Variants in HYLS1 observed in about 807,000 individuals in gnomAD.
HYLS1 encodes centriolar and ciliogenesis-associated protein HYLS1.
Under a neutral mutation model 29.4 loss-of-function variants are expected in HYLS1, and 25 were observed. That is an observed-to-expected ratio of 0.85 (90% CI 0.62 to 1.19). The LOEUF is 1.19. Among genes scored for constraint, HYLS1 ranks in the 50% most tolerant of loss-of-function variants. The pLI is 0.00. For synonymous variants in HYLS1, 128 were observed against 126.7 expected, an observed-to-expected ratio of 1.01 and a Z score of -0.07; for missense variants, 352 against 365.1, an observed-to-expected ratio of 0.96 and a Z score of 0.29.
At chr11:125,889,803 AG>A (rs1383402721) in intron 1 of HYLS1, among the ~76,000 whole-genome samples, 1 of 152,214 alleles carries the variant, frequency 6.6e-6, no homozygotes, top group Non-Finnish European at 1.5e-5. Flanking sequence ...CCCAACACAC[AG>A]GGCATAATAA....
At chr11:125,895,574 A>G in intron 2 of HYLS1, 1 of 1,614,248 alleles carries the variant, frequency 6.2e-7, no homozygotes. Context: ...CACGAGGGAA[A>G]AAATAGCGGT....
chr11:125,891,950 G>A (rs1452032567), intron 2 of HYLS1, among the ~76,000 whole-genome samples: 1 of 152,062 alleles, frequency 6.6e-6, no homozygotes, highest in Non-Finnish European at 1.5e-5. Flanking sequence ...TATTAGTATT[G>A]TTTTTAATTG....
chr11:125,886,765 GC>G (rs1175647551), upstream of HYLS1, among the ~76,000 whole-genome samples: 1 of 151,418 alleles, frequency 6.6e-6, no homozygotes, highest in African/African-American at 2.4e-5. Flanking sequence ...TACAAAATTA[GC>G]CGGGCATGGT....
At position 125,900,002 on chromosome 11, in the gene HYLS1, C is replaced by G; in HGVS notation, c.634C>G (p.Arg212Gly). 2 of 1,614,184 alleles carry G rather than the reference C, an allele frequency of 1.2e-6. No individual in the cohort carries two copies. Among genetic ancestry groups the G allele is most frequent in the Non-Finnish European group, 1.7e-6 (2 of 1,180,036 alleles). Residue 212 changes from arginine to glycine, a missense_variant, in exon 3 of 3, where the codon CGG (arginine) becomes GGG (glycine). Arg to Gly is a moderately radical substitution (Grantham distance 125). Transcript: ENST00000425380. The part of the protein sequence containing the change: ...QLSRNRGKTD[R>G]VARYFEYKRD... ...AAGCCGAAACCGGGGCAAGACAGAC[C>G]GGGTAGCCCGGTATTTTGAGTACAA...
intron 2 of HYLS1, among the ~76,000 whole-genome samples, chr11:125,891,737 C>T (rs1944412943): frequency 1.3e-5 from 2 of 152,070 alleles, no homozygotes; most frequent in Non-Finnish European, 2.9e-5. Context: ...ACCACTAATT[C>T]CCCATCTCTA....
chr11:125,886,188 G>C (rs750795676), upstream of HYLS1, among the ~76,000 whole-genome samples: 3 of 152,268 alleles, frequency 2.0e-5, no homozygotes, highest in Non-Finnish European at 4.4e-5. Flanking sequence ...TGATATTGCA[G>C]ATGTAGGGGC....
rs1944686424 is a variant in HYLS1 at position 125,899,353 on chromosome 11, C to T, written c.-16C>T. 6.2e-7 allele frequency: 1 copy of T among 1,612,558 alleles called. No individual in the cohort carries two copies. ...ATGTTATCTCTTGCAGAAGGTCCTA[C>T]AGTGTAGGGGAAGCAATGGAAGAAC... On this transcript the variant is annotated 5_prime_UTR_variant, in exon 3 of 3. Coordinates refer to ENST00000425380, the MANE Select transcript of HYLS1 (RefSeq NM_001134793.2).
upstream of HYLS1, among the ~76,000 whole-genome samples, chr11:125,886,572 A>ATTTTTTT (rs68098484): frequency 1.4e-3 from 160 of 117,394 alleles, 3 homozygotes; most frequent in African/African-American, 5.3e-3. Flanking sequence ...CAAGCACTAG[A>ATTTTTTT]TTTTTTTTTT....
At chr11:125,886,768 G>A (rs975242370), upstream of HYLS1, among the ~76,000 whole-genome samples, 1 of 151,350 alleles carries the variant, frequency 6.6e-6, no homozygotes. Context: ...AAAATTAGCC[G>A]GGCATGGTGG....
Position 125,899,378 on chromosome 11 carries a change from C to G in HYLS1, c.10C>G (p.Leu4Val). 6.2e-7 allele frequency: 1 copy of G among 1,614,122 alleles called. No individual in the cohort carries two copies. The highest frequency in any genetic ancestry group is 8.5e-7 in the Non-Finnish European group (1 of 1,179,994). ...CAGTGTAGGGGAAGCAATGGAAGAACTTCTACCTGATGGACAAATATGGGC... is the reference window on the plus strand; with the variant it reads ...CAGTGTAGGGGAAGCAATGGAAGAAGTTCTACCTGATGGACAAATATGGGC... MEELLPDGQIWANM... is the reference protein window; with the variant it reads MEEVLPDGQIWANM... Residue 4 changes from leucine to valine, a missense_variant, in exon 3 of 3, where the codon CTT becomes GTT. Transcript: ENST00000425380.
At position 125,900,354 on chromosome 11, in the gene HYLS1, A is replaced by C; in HGVS notation, c.*86A>C. 2 of 1,307,536 alleles carry C rather than the reference A, an allele frequency of 1.5e-6. No homozygotes were observed. Among genetic ancestry groups the C allele is most frequent in the Non-Finnish European group, 2.2e-6 (2 of 912,862 alleles). 81.0% of individuals were successfully genotyped at this position (1,307,536 alleles called of 1,614,324 possible). A position where few individuals can be genotyped will look rare whatever the true frequency, so the allele number is the denominator to read the frequency against. On this transcript the variant is annotated 3_prime_UTR_variant, in exon 3 of 3. Coordinates refer to ENST00000425380, the MANE Select transcript of HYLS1 (RefSeq NM_001134793.2). Reference sequence around the variant, plus strand: ...TTTAAATAGAAACAACTGTCTTGAGAAGCTCTTCGAAACATTTTATGGTAA... The same window carrying C: ...TTTAAATAGAAACAACTGTCTTGAGCAGCTCTTCGAAACATTTTATGGTAA...
chr11:125,890,834 ATCATCT>A (rs1021387645), intron 1 of HYLS1, among the ~76,000 whole-genome samples: 1 of 152,192 alleles, frequency 6.6e-6, no homozygotes, highest in Non-Finnish European at 1.5e-5. Context: ...GTTTGCAAAC[ATCATCT>A]TCATATGTTC....
upstream of HYLS1, among the ~76,000 whole-genome samples, chr11:125,886,749 T>C (rs1016462204): frequency 6.6e-6 from 1 of 151,196 alleles, no homozygotes; most frequent in African/African-American, 2.4e-5. Flanking sequence ...CCATCTCTAC[T>C]AAAAATACAA....
intron 2 of HYLS1, chr11:125,895,964 C>T: frequency 6.2e-7 from 1 of 1,614,140 alleles, no homozygotes. Flanking sequence ...AGTTGGATGT[C>T]TGTCTGCTTT....
intron 2 of HYLS1, among the ~76,000 whole-genome samples, chr11:125,898,761 T>C (rs506443): frequency 6.9e-6 from 1 of 145,638 alleles, no homozygotes; most frequent in African/African-American, 2.5e-5. Flanking sequence ...ACACTGCTTT[T>C]GTGATTTTTT....
In HYLS1 at chr11:125,896,149, C is replaced by A. The variant is rs549990; in HGVS notation, c.-25-3195C>A. 0.67 allele frequency: 1,087,928 copies of A among 1,613,780 alleles called. 367,502 individuals carry two copies. The highest frequency in any genetic ancestry group is 0.73 in the East Asian group (32,716 of 44,876). On this transcript the variant is annotated intron_variant, in intron 2 of 2. Coordinates refer to ENST00000425380, the MANE Select transcript of HYLS1 (RefSeq NM_001134793.2). ...GCACGCTTAGTTTTTCCAGCTCCTG[C>A]TGAATTTTCTCTAATGTTTGAGTCC...
intron 2 of HYLS1, chr11:125,895,697 C>G: frequency 6.2e-7 from 1 of 1,614,130 alleles, no homozygotes; most frequent in Middle Eastern, 1.6e-4. Context: ...TATAACGGAT[C>G]TCTTCAGCAG....
chr11:125,900,433 GATACTTCCAAATTGCCACTCAAATCC>G lies in HYLS1; in HGVS notation c.*167_*192del. The G allele has an allele frequency of 1.5e-6, 1 of 651,032 alleles. No homozygotes were observed. The highest frequency in any genetic ancestry group is 1.9e-5 in the South Asian group (1 of 51,436). The allele number at this position is 651,032 out of a possible 1,614,324, so 40.3% of individuals were successfully genotyped here. The stretch of plus-strand genomic sequence containing the variant: ...GCTATATATCACATTGGTATCAGAT[GATACTTCCAAATTGCCACTCAAATCC>G]AGCAATTGCAAGATAAATCATATCA... On this transcript the variant is annotated 3_prime_UTR_variant, in exon 3 of 3. Coordinates refer to ENST00000425380, the MANE Select transcript of HYLS1 (RefSeq NM_001134793.2).
At chr11:125,897,043 T>C (rs189677297) in intron 2 of HYLS1, among the ~76,000 whole-genome samples, 1 of 152,318 alleles carries the variant, frequency 6.6e-6, no homozygotes, top group Admixed American at 6.5e-5. Flanking sequence ...TCTGATGTAA[T>C]GTAGATGTCA....
Sources: gnomAD v4.1 joint callset for allele counts (sites outside exome capture counted in the v4.1 genomes callset) on GRCh38, gnomAD v4.1.1 for gene constraint, MANE v1.5 for transcripts, NCBI Gene and HGNC (gene_info 2026-07-23, HGNC 2026-07-21) for gene names.